The following CNTNAP2 variants were observed in gnomAD, a reference collection of about 807,000 sequenced individuals.
The protein encoded by CNTNAP2 is contactin associated protein 2.
A neutral mutation model predicts 155.2 loss-of-function variants in CNTNAP2; 98 were observed. That is an observed-to-expected ratio of 0.63 (90% CI 0.54 to 0.75). The LOEUF (loss-of-function observed/expected upper bound fraction) is 0.75, where lower values mean the gene tolerates loss of function less well. Among genes scored for constraint, CNTNAP2 ranks in the 30% least tolerant of loss-of-function variants. CNTNAP2 has a pLI of 0.00. For missense variants in CNTNAP2, 1,727 were observed against 1,688.1 expected, an observed-to-expected ratio of 1.02 and a Z score of -0.40; for synonymous variants, 651 against 631.2, an observed-to-expected ratio of 1.03 and a Z score of -0.47.
rs557374194 is a variant in CNTNAP2 at position 146,545,500 on chromosome 7, C to T, written c.98-228771C>T. 2.0e-5 allele frequency among the ~76,000 whole-genome samples: 3 copies of T among 151,802 alleles called. No individual in the cohort carries two copies. The East Asian group carries it at 5.8e-4, about 30-fold the overall frequency. On this transcript the variant is annotated intron_variant, in intron 1 of 23. Coordinates refer to ENST00000361727, the MANE Select transcript of CNTNAP2 (RefSeq NM_014141.6). ...ATGCTATACCTCCCCTAGACCCTCA[C>T]CCCCCAACATGCCCTACTGTGTGAT...
chr7:148,359,968 G>A (rs1177947), intron 21 of CNTNAP2, among the ~76,000 whole-genome samples: 52,956 of 152,052 alleles, frequency 0.35, 9,620 homozygotes, highest in Non-Finnish European at 0.39. Context: ...TTTTCTAACA[G>A]AGGGGATCTC....
intron 13 of CNTNAP2, among the ~76,000 whole-genome samples, chr7:147,894,569 T>C (rs950987071): frequency 5.3e-5 from 8 of 152,206 alleles, no homozygotes; most frequent in African/African-American, 1.7e-4. Flanking sequence ...AATTTGTAGA[T>C]AAGGTTGTAA....
chr7:148,180,228 G>C (rs1795013216), intron 18 of CNTNAP2, among the ~76,000 whole-genome samples: 2 of 152,104 alleles, frequency 1.3e-5, no homozygotes, highest in Admixed American at 6.6e-5. Flanking sequence ...CTTTTCACAG[G>C]CTTCTTTTTC....
chr7:147,028,029 A>T (rs1372661519), intron 3 of CNTNAP2, among the ~76,000 whole-genome samples: 1 of 152,184 alleles, frequency 6.6e-6, no homozygotes, highest in Non-Finnish European at 1.5e-5. Context: ...GGAGATGTGG[A>T]TATGGGAATC....
At chr7:146,736,427 G>A (rs529502951) in intron 1 of CNTNAP2, among the ~76,000 whole-genome samples, 22 of 152,126 alleles carry the variant, frequency 1.4e-4, no homozygotes, top group African/African-American at 4.8e-4. Flanking sequence ...TTTGAGGATT[G>A]ATTATTTCCT....
At chr7:146,249,082 A>G (rs897036511) in intron 1 of CNTNAP2, among the ~76,000 whole-genome samples, 8 of 152,168 alleles carry the variant, frequency 5.3e-5, no homozygotes, top group African/African-American at 1.7e-4. Flanking sequence ...TCACAAAACA[A>G]TGTCATCAGT....
intron 13 of CNTNAP2, among the ~76,000 whole-genome samples, chr7:147,673,777 T>C (rs4520083): frequency 0.016 from 2,497 of 152,292 alleles, 219 homozygotes; most frequent in Admixed American, 0.15. Flanking sequence ...TGTTTTCTGT[T>C]AATAATAGGA....
chr7:146,658,934 C>T (rs1235148172), intron 1 of CNTNAP2, among the ~76,000 whole-genome samples: 2 of 152,128 alleles, frequency 1.3e-5, no homozygotes, highest in Non-Finnish European at 2.9e-5. Context: ...GAGCTGGAGC[C>T]TAGAACCCCA....
At position 147,594,325 on chromosome 7, in the gene CNTNAP2, G is replaced by A. The variant is rs116018738; in HGVS notation, c.1897+32068G>A. Among the ~76,000 whole-genome samples the A allele has an allele frequency of 3.9e-3, 597 of 152,072 alleles. 5 individuals carry two copies. The highest frequency in any genetic ancestry group is 0.014 in the African/African-American group (575 of 41,466). On this transcript the variant is annotated intron_variant, in intron 12 of 23. Coordinates refer to ENST00000361727, the MANE Select transcript of CNTNAP2 (RefSeq NM_014141.6). ...TATCTTGGGTTTGATCTTCTGCTTC[G>A]GGCTGTGGCTTCAGGAGCTGGCAGT...
chr7:146,490,648 T>G (rs1022748878), intron 1 of CNTNAP2, among the ~76,000 whole-genome samples: 15 of 152,214 alleles, frequency 9.9e-5, no homozygotes, highest in African/African-American at 3.4e-4. Flanking sequence ...AAGATAAAGG[T>G]GTATCTGCAC....
chr7:146,690,893 A>G (rs971925354), intron 1 of CNTNAP2, among the ~76,000 whole-genome samples: 6 of 152,142 alleles, frequency 3.9e-5, no homozygotes, highest in Admixed American at 2.6e-4. Flanking sequence ...GGCTAAAAAT[A>G]TATAGAATGA....
chr7:147,284,853 C>T (rs867599938), intron 8 of CNTNAP2, among the ~76,000 whole-genome samples: 29 of 151,902 alleles, frequency 1.9e-4, no homozygotes, highest in African/African-American at 6.3e-4. Context: ...TTTCAAGGTT[C>T]AGTCCTCATT....
intron 1 of CNTNAP2, among the ~76,000 whole-genome samples, chr7:146,231,632 C>G (rs1320099842): frequency 6.6e-6 from 1 of 152,166 alleles, no homozygotes; most frequent in Non-Finnish European, 1.5e-5. Flanking sequence ...CCTATTTTGA[C>G]CCATCAAGAC....
chr7:146,488,738 C>A (rs1299360332), intron 1 of CNTNAP2, among the ~76,000 whole-genome samples: 1 of 152,078 alleles, frequency 6.6e-6, no homozygotes, highest in African/African-American at 2.4e-5. Context: ...AGGTGATCTT[C>A]CCACCTCACC....
chr7:147,333,750 T>A (rs1298741775), intron 9 of CNTNAP2, among the ~76,000 whole-genome samples: 2 of 152,198 alleles, frequency 1.3e-5, no homozygotes, highest in Non-Finnish European at 2.9e-5. Flanking sequence ...TACAAATATG[T>A]GCTTGTTAAT....
chr7:147,897,959 G>A (rs1301871895), intron 13 of CNTNAP2, among the ~76,000 whole-genome samples: 1 of 152,206 alleles, frequency 6.6e-6, no homozygotes, highest in African/African-American at 2.4e-5. Context: ...GTGGACAGAA[G>A]ACACAGCTTC....
chr7:146,485,328 G>T (rs1401269897), intron 1 of CNTNAP2, among the ~76,000 whole-genome samples: 1 of 152,184 alleles, frequency 6.6e-6, no homozygotes, highest in African/African-American at 2.4e-5. Flanking sequence ...AGATGCATTA[G>T]TCACCTGTGC....
At chr7:147,478,726 T>C (rs1207521692) in intron 10 of CNTNAP2, among the ~76,000 whole-genome samples, 1 of 152,218 alleles carries the variant, frequency 6.6e-6, no homozygotes, top group African/African-American at 2.4e-5. Context: ...GGCACTTCCA[T>C]TGCCTTCAAC....
chr7:147,666,706 G>A (rs75595605), intron 13 of CNTNAP2, among the ~76,000 whole-genome samples: 2 of 152,116 alleles, frequency 1.3e-5, no homozygotes, highest in Admixed American at 6.5e-5. Flanking sequence ...TATTCATCAC[G>A]GTCCTTAATC....
Sources: allele counts gnomAD v4.1 joint callset (sites outside exome capture counted in the v4.1 genomes callset), GRCh38; gene constraint gnomAD v4.1.1; transcripts MANE v1.5; gene names NCBI Gene and HGNC (gene_info 2026-07-23, HGNC 2026-07-21).